OPCML: variants seen among roughly 807,000 people sequenced by gnomAD.
OPCML encodes opioid binding protein/cell adhesion molecule like, also known as opioid-binding protein/cell adhesion molecule.
In OPCML, 13 loss-of-function variants were observed where a neutral mutation model predicts 37.8. That is an observed-to-expected ratio of 0.34 (90% CI 0.22 to 0.55). The LOEUF is 0.55. OPCML is among the 20% of genes least tolerant of loss of function. The pLI, the probability that OPCML is intolerant of heterozygous loss-of-function variation, is 0.91. For missense variants in OPCML, 341 were observed against 435.6 expected (o/e 0.78, Z 1.93); for synonymous variants, 176 against 168.8 (o/e 1.04, Z -0.33).
At chr11:132,588,934 T>A (rs1234434342) in intron 3 of OPCML, among the ~76,000 whole-genome samples, 1 of 152,218 alleles carries the variant, frequency 6.6e-6, no homozygotes, top group Non-Finnish European at 1.5e-5. Context: ...TAACATAATC[T>A]GCCCAAACTC....
At chr11:133,343,816 C>T (rs1943931964) in intron 1 of OPCML, among the ~76,000 whole-genome samples, 1 of 152,200 alleles carries the variant, frequency 6.6e-6, no homozygotes, top group Admixed American at 6.5e-5. Flanking sequence ...TCCTGTACCA[C>T]ATCTTCCCAA....
intron 1 of OPCML, among the ~76,000 whole-genome samples, chr11:133,269,457 C>G (rs534618128): frequency 2.0e-5 from 3 of 152,350 alleles, no homozygotes; most frequent in Admixed American, 2.0e-4. Context: ...TTCTCACTCA[C>G]TGATCTGGTC....
chr11:133,265,667 C>G (rs1438811353), intron 1 of OPCML, among the ~76,000 whole-genome samples: 2 of 152,194 alleles, frequency 1.3e-5, no homozygotes, highest in Non-Finnish European at 2.9e-5. Context: ...GTTGGCTCAG[C>G]ATCCCTCCTC....
At chr11:133,114,969 C>A (rs1437413322) in intron 1 of OPCML, among the ~76,000 whole-genome samples, 1 of 152,160 alleles carries the variant, frequency 6.6e-6, no homozygotes, top group Non-Finnish European at 1.5e-5. Flanking sequence ...TCAGTTCTAT[C>A]TTTTATCTGT....
At chr11:133,396,604 C>G (rs1262389511) in intron 1 of OPCML, among the ~76,000 whole-genome samples, 2 of 152,148 alleles carry the variant, frequency 1.3e-5, no homozygotes, top group Non-Finnish European at 2.9e-5. Context: ...TTTAATAGTC[C>G]TCCTTTGATT....
chr11:133,314,527 CTA>C (rs1413669664), intron 1 of OPCML, among the ~76,000 whole-genome samples: 2 of 150,226 alleles, frequency 1.3e-5, no homozygotes, highest in East Asian at 2.0e-4. Flanking sequence ...CCTTCCTCTG[CTA>C]TGTTTTCCAT....
intron 1 of OPCML, among the ~76,000 whole-genome samples, chr11:133,312,556 A>G (rs1323325060): frequency 6.6e-6 from 1 of 152,216 alleles, no homozygotes; most frequent in African/African-American, 2.4e-5. Flanking sequence ...GTAAACACAG[A>G]TATAAATGAT....
At chr11:132,879,135 A>C (rs1421572497) in intron 2 of OPCML, among the ~76,000 whole-genome samples, 1 of 152,266 alleles carries the variant, frequency 6.6e-6, no homozygotes, top group Non-Finnish European at 1.5e-5. Flanking sequence ...ACAAATGTCT[A>C]AAACAAAGCA....
At position 133,205,181 on chromosome 11, in the gene OPCML, G is replaced by C. The variant is rs1164683940; in HGVS notation, c.62-262171C>G. Among the ~76,000 whole-genome samples the C allele has an allele frequency of 6.6e-6, 1 of 151,900 alleles. No homozygotes were observed. Among genetic ancestry groups the C allele is most frequent in the African/African-American group, 2.4e-5 (1 of 41,342 alleles). On this transcript the variant is annotated intron_variant, in intron 1 of 7. Coordinates refer to ENST00000524381, the MANE Select transcript of OPCML (RefSeq NM_001012393.5). The surrounding 1 kb of genome is among the most constrained non-coding windows in gnomAD (Gnocchi z 4.8). ...ATGGCTAATGATGTAATCAATTATG[G>C]CAACCTAATGAAGCTTTGATAAAAA...
chr11:133,190,411 T>TTCCC (rs1938255138), intron 1 of OPCML, among the ~76,000 whole-genome samples: 1 of 152,198 alleles, frequency 6.6e-6, no homozygotes. Context: ...GTTGCTCTCT[T>TTCCC]TCCCTCCCTC....
chr11:132,679,993 T>C (rs1384811731), intron 2 of OPCML, among the ~76,000 whole-genome samples: 1 of 152,178 alleles, frequency 6.6e-6, no homozygotes, highest in African/African-American at 2.4e-5. Context: ...AGGTTTTATC[T>C]CAATTTATTC....
chr11:132,890,664 G>A (rs1943605796), intron 2 of OPCML, among the ~76,000 whole-genome samples: 1 of 149,568 alleles, frequency 6.7e-6, no homozygotes, highest in Non-Finnish European at 1.5e-5. Context: ...GGCTAATATG[G>A]TGAAACCCTG....
At chr11:132,555,816 C>T (rs2096394200) in intron 3 of OPCML, among the ~76,000 whole-genome samples, 1 of 152,156 alleles carries the variant, frequency 6.6e-6, no homozygotes, top group South Asian at 2.1e-4. Flanking sequence ...AACATGAACT[C>T]TGTACCTGTG....
intron 2 of OPCML, among the ~76,000 whole-genome samples, chr11:132,701,661 T>C (rs1012424474): frequency 2.6e-5 from 4 of 152,126 alleles, no homozygotes; most frequent in African/African-American, 9.7e-5. Flanking sequence ...TACTTATTTA[T>C]AATGCATAAT....
chr11:132,933,989 A>G (rs1175224481), intron 2 of OPCML, among the ~76,000 whole-genome samples: 1 of 152,168 alleles, frequency 6.6e-6, no homozygotes, highest in Non-Finnish European at 1.5e-5. Context: ...GTTCCAAACA[A>G]TGACCAGGAG....
chr11:133,160,936 G>A (rs1435573400), intron 1 of OPCML, among the ~76,000 whole-genome samples: 1 of 152,260 alleles, frequency 6.6e-6, no homozygotes, highest in Admixed American at 6.5e-5. Flanking sequence ...AGGCTGCCAT[G>A]TTCTGCACGG....
intron 2 of OPCML, among the ~76,000 whole-genome samples, chr11:132,909,926 G>A (rs1944366534): frequency 6.6e-6 from 1 of 152,282 alleles, no homozygotes; most frequent in African/African-American, 2.4e-5. Context: ...ATTGTGTCGT[G>A]TTATTACATT....
intron 1 of OPCML, among the ~76,000 whole-genome samples, chr11:133,140,571 A>AAGAAGAAGG (rs1949762444): frequency 1.4e-5 from 2 of 145,748 alleles, no homozygotes; most frequent in Non-Finnish European, 1.5e-5. Context: ...GAAGAAGAAG[A>AAGAAGAAGG]AGAAGAAAGA....
rs371287127 is a variant in OPCML at position 132,582,035 on chromosome 11, G to A, written c.380-52849C>T. On this transcript the variant is annotated intron_variant, in intron 3 of 7. Coordinates refer to ENST00000524381, the MANE Select transcript of OPCML (RefSeq NM_001012393.5). ...ACTAATAAATCATCTATATCTCAGG[G>A]CCCAGACAGAGCTATCTTAGCATGA... Among the ~76,000 whole-genome samples the A allele has an allele frequency of 2.0e-4, 31 of 151,716 alleles. 2 individuals carry two copies. In the East Asian group the frequency reaches 5.3e-3, roughly 26 times the overall value.
Sources: allele counts gnomAD v4.1 joint callset (sites outside exome capture counted in the v4.1 genomes callset), GRCh38; gene constraint gnomAD v4.1.1; non-coding constraint Gnocchi (gnomAD v3.1); transcripts MANE v1.5; gene names NCBI Gene and HGNC (gene_info 2026-07-23, HGNC 2026-07-21).